MACROD2: variants seen among roughly 807,000 people sequenced by gnomAD.
MACROD2 encodes the protein ADP-ribose glycohydrolase MACROD2.
Under a neutral mutation model 70.4 loss-of-function variants are expected in MACROD2, and 36 were observed. That is an observed-to-expected ratio of 0.51 (90% confidence interval 0.39 to 0.68). The LOEUF is 0.68. Among genes scored for constraint, MACROD2 ranks in the 30% least tolerant of loss-of-function variants. The probability of loss-of-function intolerance (pLI) is 0.00; values close to 1 mark genes in which losing one functional copy is unlikely to be tolerated. For synonymous variants in MACROD2, 172 were observed against 178.8 expected, an observed-to-expected ratio of 0.96 and a Z score of 0.30; for missense variants, 496 against 538.4, an observed-to-expected ratio of 0.92 and a Z score of 0.78.
At chr20:15,696,128 A>G (rs1188813425) in intron 8 of MACROD2, among the ~76,000 whole-genome samples, 4 of 152,184 alleles carry the variant, frequency 2.6e-5, no homozygotes, top group Non-Finnish European at 5.9e-5. Flanking sequence ...TCCAGTTCTC[A>G]GAGGGAATGC....
intron 3 of MACROD2, among the ~76,000 whole-genome samples, chr20:14,099,821 A>G (rs1367087846): frequency 6.6e-6 from 1 of 152,034 alleles, no homozygotes; most frequent in South Asian, 2.1e-4. Flanking sequence ...GTCAACATTT[A>G]TTTTCTATGT....
chr20:15,002,125 T>A (rs2075000986), intron 5 of MACROD2, among the ~76,000 whole-genome samples: 1 of 152,236 alleles, frequency 6.6e-6, no homozygotes, highest in Admixed American at 6.5e-5. Flanking sequence ...TCTGGGTAAA[T>A]ACCCAGTAGT....
chr20:14,709,441 G>A (rs1026173279), intron 5 of MACROD2, among the ~76,000 whole-genome samples: 1 of 152,056 alleles, frequency 6.6e-6, no homozygotes, highest in Admixed American at 6.6e-5. Flanking sequence ...GTGTTTGGGT[G>A]TATAAAAGCA....
chr20:15,584,443 G>GA (rs932783671), intron 8 of MACROD2, among the ~76,000 whole-genome samples: 2 of 151,668 alleles, frequency 1.3e-5, no homozygotes, highest in African/African-American at 2.4e-5. Flanking sequence ...TGTGTTTTGG[G>GA]AAAAAAATGA....
At chr20:14,757,978 C>T (rs1012436810) in intron 5 of MACROD2, 18 of 852,930 alleles carry the variant, frequency 2.1e-5, no homozygotes, top group Non-Finnish European at 3.6e-5. Context: ...ACAAGAAAGC[C>T]GAGGCTGGGA....
chr20:15,415,403 CTG>C (rs2046133146), intron 6 of MACROD2, among the ~76,000 whole-genome samples: 1 of 152,132 alleles, frequency 6.6e-6, no homozygotes, highest in Non-Finnish European at 1.5e-5. Context: ...ACTAACAAAA[CTG>C]TCATTTTCCA....
At chr20:14,517,723 G>A (rs1029059815) in intron 4 of MACROD2, among the ~76,000 whole-genome samples, 4 of 152,042 alleles carry the variant, frequency 2.6e-5, no homozygotes, top group African/African-American at 9.7e-5. Flanking sequence ...TATAGGATGA[G>A]GTAGAAGTTC....
rs186178472 is a variant in MACROD2 at position 14,110,396 on chromosome 20, G to A, written c.271+24668G>A. ...TTCTAGCTAGAGCAATCAGACAAGA[G>A]AAACAAATAAAGGGCTTCCAAATTG... On this transcript the variant is annotated intron_variant, in intron 3 of 17. Coordinates refer to ENST00000684519, the MANE Select transcript of MACROD2 (RefSeq NM_001351661.2). 1.0e-3 allele frequency among the ~76,000 whole-genome samples: 156 copies of A among 151,934 alleles called. 3 individuals are homozygous for A. The highest frequency in any genetic ancestry group is 1.3e-4 in the Non-Finnish European group (9 of 67,802).
At chr20:14,189,613 T>G (rs1437247623) in intron 3 of MACROD2, among the ~76,000 whole-genome samples, 2 of 152,184 alleles carry the variant, frequency 1.3e-5, no homozygotes, top group Non-Finnish European at 2.9e-5. Context: ...TTTCAAGGGA[T>G]AGCGTGAGGC....
intron 3 of MACROD2, among the ~76,000 whole-genome samples, chr20:14,316,610 T>C (rs866018701): frequency 1.3e-5 from 2 of 152,300 alleles, no homozygotes. Context: ...AGTGTTAGTG[T>C]ATTTTATATG....
At chr20:14,395,632 G>C (rs921104693) in intron 3 of MACROD2, among the ~76,000 whole-genome samples, 6 of 151,596 alleles carry the variant, frequency 4.0e-5, no homozygotes, top group Non-Finnish European at 1.5e-5. Flanking sequence ...TGCTCATTTT[G>C]TGTTTCATTT....
At chr20:14,881,140 G>A (rs931285416) in intron 5 of MACROD2, among the ~76,000 whole-genome samples, 2 of 152,008 alleles carry the variant, frequency 1.3e-5, no homozygotes, top group Non-Finnish European at 2.9e-5. Context: ...TGTTGCAATG[G>A]AAAGGAAAAT....
At position 14,807,905 on chromosome 20, in the gene MACROD2, G is replaced by GA. The variant is rs569320667; in HGVS notation, c.418+122952dup. Among the ~76,000 whole-genome samples the GA allele has an allele frequency of 1.1e-3, 163 of 152,058 alleles. 1 individual carries two copies. Among genetic ancestry groups the GA allele is most frequent in the African/African-American group, 3.4e-3 (139 of 41,468 alleles). On this transcript the variant is annotated intron_variant, in intron 5 of 17. Transcript: ENST00000684519. ...ACAAGATTAGAGAAAAAAACAATGA[G>GA]AAAAAATGAACAAATCCTCTAAGAA... is the stretch of plus-strand genomic sequence containing the variant.
At chr20:15,176,121 C>G (rs533699686) in intron 5 of MACROD2, among the ~76,000 whole-genome samples, 28 of 152,242 alleles carry the variant, frequency 1.8e-4, no homozygotes, top group Non-Finnish European at 3.8e-4. Flanking sequence ...ACGCCAGCCC[C>G]CTGCTGCCTT....
chr20:15,794,718 G>A (rs541208321), intron 8 of MACROD2, among the ~76,000 whole-genome samples: 1 of 152,206 alleles, frequency 6.6e-6, no homozygotes, highest in African/African-American at 2.4e-5. Flanking sequence ...AGTGGAGGAT[G>A]TAAAGCTTGT....
At chr20:14,323,024 T>C (rs2082679508) in intron 3 of MACROD2, 1 of 152,154 alleles carries the variant, frequency 6.6e-6, no homozygotes, top group African/African-American at 2.4e-5. Flanking sequence ...CATTCAACAA[T>C]AATCAACATA....
chr20:14,033,909 A>G (rs1183535915), intron 2 of MACROD2, among the ~76,000 whole-genome samples: 1 of 152,142 alleles, frequency 6.6e-6, no homozygotes, highest in Non-Finnish European at 1.5e-5. Flanking sequence ...TTTGTAATGT[A>G]TCATGGAAAT....
At position 14,021,826 on chromosome 20, in the gene MACROD2, G is replaced by C. The variant is rs142042779; in HGVS notation, c.163+19422G>C. ...AGGTGGTAGAGGTATAGGAGTGTTT[G>C]TGTGTTGGGGCTGGGGGACATTCTG... On this transcript the variant is annotated intron_variant, in intron 2 of 17. Transcript: ENST00000684519. 1.9e-3 allele frequency among the ~76,000 whole-genome samples: 291 copies of C among 152,282 alleles called. 1 individual carries two copies. Among genetic ancestry groups the C allele is most frequent in the Non-Finnish European group, 3.3e-3 (225 of 68,024 alleles).
intron 4 of MACROD2, among the ~76,000 whole-genome samples, chr20:14,544,553 T>G (rs78084787): frequency 0.02 from 3,014 of 152,240 alleles, 106 homozygotes; most frequent in African/African-American, 0.069. Flanking sequence ...TGAGCACTCT[T>G]ATTATTGTTG....
Sources: allele counts gnomAD v4.1 joint callset (sites outside exome capture counted in the v4.1 genomes callset), GRCh38; gene constraint gnomAD v4.1.1; transcripts MANE v1.5; gene names NCBI Gene and HGNC (gene_info 2026-07-23, HGNC 2026-07-21).